THBS2: variants seen among roughly 807,000 people sequenced by gnomAD.
THBS2 encodes thrombospondin-2.
Under a neutral mutation model 135.2 loss-of-function variants are expected in THBS2, and 47 were observed. The observed-to-expected ratio is 0.35, with a 90% CI of 0.28 to 0.44. THBS2 has a LOEUF of 0.44. THBS2 is among the 20% of genes least tolerant of loss of function. The pLI is 1.00. For missense variants in THBS2, 1,288 were observed against 1,603.1 expected (o/e 0.80, Z 3.36); for synonymous variants, 639 against 633.8 (o/e 1.01, Z -0.12).
At chr6:169,249,007 T>A in intron 2 of THBS2, 34 bp from the exon 3 acceptor site, 1 of 1,564,968 alleles carries the variant, frequency 6.4e-7, no homozygotes, top group African/African-American at 1.3e-5. Flanking sequence ...AAGGGTGACG[T>A]AGGGGAAGAG....
intron 6 of THBS2, among the ~76,000 whole-genome samples, 158 bp downstream of exon 6, chr6:169,240,294 G>A (rs1049038591): frequency 2.6e-5 from 4 of 152,166 alleles, no homozygotes; most frequent in African/African-American, 7.2e-5. Flanking sequence ...TCCTAAATAC[G>A]GTTCCTGGCC....
At chr6:169,224,225 C>A (rs755358955) in intron 17 of THBS2, among the ~76,000 whole-genome samples, 1 of 152,236 alleles carries the variant, frequency 6.6e-6, no homozygotes, top group Non-Finnish European at 1.5e-5. Flanking sequence ...CCAGCTACCA[C>A]GTGGCAGGCA....
In THBS2 at chr6:169,232,067, C is replaced by T. The variant is rs772056231; in HGVS notation, c.2064G>A (p.Gly688=). Residue 688 remains glycine, a synonymous_variant, in exon 13 of 22, where the codon GGG becomes GGA. Transcript: ENST00000617924. ...CECQTGYAGD[G]LICGEDSDLD... is the part of the protein sequence containing the mutation. Reference sequence around the variant, plus strand: ...GGTCCGAGTCCTCCCCGCAGATGAGCCCGTCGCCCGCGTAGCCTGTCTGGC... The same window carrying T: ...GGTCCGAGTCCTCCCCGCAGATGAGTCCGTCGCCCGCGTAGCCTGTCTGGC... 6.2e-7 allele frequency: 1 copy of T among 1,614,096 alleles called. No individual in the cohort carries two copies. Among genetic ancestry groups the T allele is most frequent in the Non-Finnish European group, 8.5e-7 (1 of 1,179,978 alleles).
At chr6:169,246,476 T>C (rs1372329567) in intron 3 of THBS2, among the ~76,000 whole-genome samples, 195 bp from the exon 4 acceptor site, 1 of 152,184 alleles carries the variant, frequency 6.6e-6, no homozygotes, top group East Asian at 1.9e-4. Context: ...TTTTTAAGCA[T>C]GACACAAGAA....
At chr6:169,247,417 T>C (rs926662857) in intron 3 of THBS2, among the ~76,000 whole-genome samples, 19 of 151,880 alleles carry the variant, frequency 1.3e-4, no homozygotes, top group African/African-American at 4.6e-4. Flanking sequence ...CATGAGGTGT[T>C]TGTGTGTATG....
Position 169,237,234 on chromosome 6 carries a change from C to A in THBS2, c.1413G>T (p.Met471Ile), listed in dbSNP as rs748133469. 7.4e-6 allele frequency: 12 copies of A among 1,613,206 alleles called. No homozygotes were observed. The highest frequency in any genetic ancestry group is 1.6e-4 in the Middle Eastern group (1 of 6,084). ...CACTCCCTTTGCAATTCTTGCCCCC[C>A]ATCTGGGGCACTGGGGAGTTGCAGA... is the stretch of plus-strand genomic sequence containing the variant. The part of the protein sequence containing the change: ...IRLCNSPVPQ[M>I]GGKNCKGSGR... Residue 471 changes from methionine (M) to isoleucine (I), a missense_variant, in exon 9 of 22, where the codon ATG becomes ATT. Around this residue, in one of 2 missense-constraint regions of THBS2, gnomAD observed 874 missense variants for 1,156.1 expected, o/e 0.76. Coordinates refer to ENST00000617924, the MANE Select transcript of THBS2 (RefSeq NM_003247.5).
intron 3 of THBS2, among the ~76,000 whole-genome samples, chr6:169,247,966 A>G (rs112725922): frequency 1.3e-5 from 2 of 149,460 alleles, no homozygotes; most frequent in Non-Finnish European, 1.5e-5. Flanking sequence ...GTGCCCATGT[A>G]TGGTGTTTGT....
intron 21 of THBS2, among the ~76,000 whole-genome samples, 165 bp from the exon 22 acceptor site, chr6:169,217,994 A>AGAT (rs1401778423): frequency 2.1e-5 from 2 of 95,716 alleles, no homozygotes; most frequent in Non-Finnish European, 5.0e-5. Flanking sequence ...TGGATGGATG[A>AGAT]GATGGGTGGG....
chr6:169,245,041 T>A (rs1034138418), intron 4 of THBS2, among the ~76,000 whole-genome samples: 1 of 152,216 alleles, frequency 6.6e-6, no homozygotes, highest in Non-Finnish European at 1.5e-5. Context: ...TCTCACATAT[T>A]CCTGATGTAT....
rs1779856033 is a variant in THBS2, at chr6:169,232,053, T to C, written c.2078A>G (p.Glu693Gly). ...GYAGDGLICG[E>G]DSDLDGWPNL... ...GGGCCAGCCGTCCAGGTCCGAGTCC[T>C]CCCCGCAGATGAGCCCGTCGCCCGC... The change falls in exon 13 of 22, where the codon GAG becomes GGG. Residue 693 changes from glutamate to glycine, a missense_variant. Physicochemically the swap from Glu to Gly is moderately conservative, Grantham distance 98 (BLOSUM62 -2). Coordinates refer to ENST00000617924, the MANE Select transcript of THBS2 (RefSeq NM_003247.5). 3.1e-6 allele frequency: 5 copies of C among 1,613,890 alleles called. No homozygotes were observed. In the Admixed American group the frequency reaches 8.3e-5, roughly 27 times the overall value.
Position 169,228,213 on chromosome 6 carries a change from A to G in THBS2, c.2328T>C (p.Cys776=), listed in dbSNP as rs1212284627. 6.2e-7 allele frequency: 1 copy of G among 1,614,084 alleles called. No individual in the cohort carries two copies. The highest frequency in any genetic ancestry group is 8.5e-7 in the Non-Finnish European group (1 of 1,180,040). ...GGTTGTGCACGTAAGGGCAGTTGTCACAGCGGTCCCCAACCTCATCCTTGT... is the reference window on the plus strand; with the variant it reads ...GGTTGTGCACGTAAGGGCAGTTGTCGCAGCGGTCCCCAACCTCATCCTTGT... The part of the protein sequence containing the change: ...DYDKDEVGDR[C]DNCPYVHNPA... Residue 776 remains cysteine, a synonymous_variant, in exon 15 of 22, where the codon TGT becomes TGC. Coordinates refer to ENST00000617924, the MANE Select transcript of THBS2 (RefSeq NM_003247.5).
chr6:169,227,803 C>T (rs111289787), intron 15 of THBS2, among the ~76,000 whole-genome samples: 4 of 152,336 alleles, frequency 2.6e-5, no homozygotes, highest in African/African-American at 4.8e-5. Flanking sequence ...TGCATTGGGC[C>T]GGGCGCGGTG....
chr6:169,237,282 A>G lies in THBS2; in HGVS notation c.1365T>C (p.Val455=), dbSNP rs1780132512. The part of the protein sequence containing the change: ...PWSSCSVTCG[V]GNITRIRLCN... Reference sequence around the variant, plus strand: ...AGAGACGGATGCGTGTGATATTGCCAACTCCACAGGTCACAGAGCATGAAG... The same window carrying G: ...AGAGACGGATGCGTGTGATATTGCCGACTCCACAGGTCACAGAGCATGAAG... The change falls in exon 9 of 22, where the codon GTT becomes GTC. Residue 455 remains valine (V), a synonymous_variant. Transcript: ENST00000617924. The G allele has an allele frequency of 6.2e-7, 1 of 1,613,488 alleles. No homozygotes were observed. Among genetic ancestry groups the G allele is most frequent in the South Asian group, 1.1e-5 (1 of 91,084 alleles).
In THBS2 at chr6:169,237,709, G is replaced by A. The variant is rs1429093920; in HGVS notation, c.1216C>T (p.Arg406Trp). The change falls in exon 8 of 22, where the codon CGG (arginine) becomes TGG (tryptophan). Residue 406 changes from arginine to tryptophan, a missense_variant. Arg to Trp is a moderately radical substitution (Grantham distance 101). Transcript: ENST00000617924. ...TCGSGTQQRG[R>W]SCDVTSNTCL... is the part of the protein sequence containing the mutation. ...GTGTTGCTGGTGACGTCACAGGACC[G>A]GCCTCTCTGCTGGGTCCCAGAGCCA... is the stretch of plus-strand genomic sequence containing the variant. The A allele has an allele frequency of 6.2e-7, 1 of 1,612,660 alleles. No individual in the cohort carries two copies. Among genetic ancestry groups the A allele is most frequent in the Non-Finnish European group, 8.5e-7 (1 of 1,179,978 alleles).
intron 19 of THBS2, among the ~76,000 whole-genome samples, 179 bp downstream of exon 19, chr6:169,222,018 G>T (rs1779446475): frequency 6.6e-6 from 1 of 152,246 alleles, no homozygotes; most frequent in South Asian, 2.1e-4. Flanking sequence ...TATCAACTGT[G>T]TTGAGTTGTA....
chr6:169,226,134 C>T (rs776416438), intron 16 of THBS2, 46 bp downstream of exon 16: 3 of 1,538,762 alleles, frequency 1.9e-6, no homozygotes, highest in Admixed American at 3.4e-5. Flanking sequence ...TCCCCGCGTC[C>T]CTCTGATGAG....
chr6:169,248,523 T>G lies in THBS2; in HGVS notation c.503A>C (p.Asp168Ala), dbSNP rs761319736. Residue 168 changes from aspartate (D) to alanine (A), a missense_variant, in exon 3 of 22, where the codon GAC becomes GCC. Asp to Ala is a moderately radical substitution (Grantham distance 126). Transcript: ENST00000617924. ...GETYSLHVGC[D>A]LIDSFALDEP... is the part of the protein sequence containing the mutation. ...GTCCAGAGCGAAGCTGTCTATGAGG[T>G]CGCAGCCCACGTGCAAGCTGTAGGT... 2.5e-6 allele frequency: 4 copies of G among 1,613,838 alleles called. No homozygotes were observed. In the African/African-American group the frequency reaches 4.0e-5, roughly 16 times the overall value.
intron 21 of THBS2, among the ~76,000 whole-genome samples, chr6:169,219,173 GA>G (rs1214128262): frequency 3.4e-5 from 5 of 148,080 alleles, no homozygotes; most frequent in African/African-American, 7.5e-5. Context: ...GGGGGTGAAT[GA>G]AATGGTTGGG....
intron 9 of THBS2, among the ~76,000 whole-genome samples, chr6:169,235,514 C>G (rs186790305): frequency 1.9e-4 from 29 of 152,174 alleles, no homozygotes; most frequent in Non-Finnish European, 3.1e-4. Flanking sequence ...ACTTCCCGAG[C>G]CAGGCCTCCC....
Sources: allele counts gnomAD v4.1 joint callset (sites outside exome capture counted in the v4.1 genomes callset), GRCh38; gene constraint gnomAD v4.1.1; regional missense constraint gnomAD v4.1.1; transcripts MANE v1.5; gene names NCBI Gene and HGNC (gene_info 2026-07-23, HGNC 2026-07-21).